TBCCD1: variants seen among roughly 807,000 people sequenced by gnomAD.
TBCCD1 encodes TBCC domain-containing protein 1.
A neutral mutation model predicts 53.4 loss-of-function variants in TBCCD1; 26 were observed. The ratio of observed to expected loss-of-function variants is 0.49; its 90% confidence interval spans 0.36 to 0.68. The LOEUF is 0.68. Ranked by LOEUF, TBCCD1 falls within the 30% of genes least tolerant of loss-of-function variation. The pLI, the probability that TBCCD1 is intolerant of heterozygous loss-of-function variation, is 0.00. For synonymous variants in TBCCD1, 245 were observed against 241.7 expected (o/e 1.01, Z -0.13); for missense variants, 558 against 669.5 (o/e 0.83, Z 1.84).
At chr3:186,570,133 C>T (rs1234024784), upstream of TBCCD1, 19 of 701,294 alleles carry the variant, frequency 2.7e-5, no homozygotes, top group Non-Finnish European at 4.7e-5. Context: ...AAGCCGAATC[C>T]GAACTTAAGT....
At chr3:186,570,032 A>G (rs1201145581), upstream of TBCCD1, 2 of 629,954 alleles carry the variant, frequency 3.2e-6, no homozygotes, top group African/African-American at 1.8e-5. Context: ...AGAACTGCCA[A>G]TAAGTGCTTT....
At chr3:186,567,726 C>A (rs1435646578), upstream of TBCCD1, 3 of 152,178 alleles carry the variant, frequency 2.0e-5, no homozygotes, top group Non-Finnish European at 1.5e-5. Flanking sequence ...TGTCAAGAGC[C>A]CTTTAAGTAC....
intron 3 of TBCCD1, among the ~76,000 whole-genome samples, chr3:186,558,181 G>C (rs905761339): frequency 6.6e-6 from 1 of 152,118 alleles, no homozygotes; most frequent in Non-Finnish European, 1.5e-5. Context: ...GTGATGATCT[G>C]CCCACAAATC....
upstream of TBCCD1, chr3:186,569,972 C>A (rs1714965656): frequency 5.2e-6 from 3 of 574,552 alleles, no homozygotes; most frequent in Non-Finnish European, 6.3e-6. Context: ...TCGTTGCCTG[C>A]TTACTATACG....
upstream of TBCCD1, among the ~76,000 whole-genome samples, chr3:186,568,923 G>GAAAAA (rs1192524819): frequency 8.7e-6 from 1 of 114,446 alleles, no homozygotes; most frequent in African/African-American, 3.9e-5. Context: ...AAGAAATAAA[G>GAAAAA]AAAAGAAAAC....
Position 186,558,407 on chromosome 3 carries a change from T to C in TBCCD1, c.492+10A>G. 6.2e-7 allele frequency: 1 copy of C among 1,612,360 alleles called. No individual in the cohort carries two copies. On this transcript the variant is annotated intron_variant, in intron 3 of 7. Coordinates refer to ENST00000338733, the MANE Select transcript of TBCCD1 (RefSeq NM_018138.5). The stretch of plus-strand genomic sequence containing the variant: ...CCTTTTAGAGAATGAGATCAAGATA[T>C]AAGGAGTACCTTATTATGACAATTA...
chr3:186,551,394 G>A (rs1374332335), intron 6 of TBCCD1, 115 bp from the exon 7 acceptor site: 1 of 1,109,814 alleles, frequency 9.0e-7, no homozygotes, highest in East Asian at 2.6e-5. Context: ...ATTATTTCTT[G>A]TTATCCTTTT....
rs1185807467 is a variant in TBCCD1 at position 186,555,022 on chromosome 3, G to A, written c.922C>T (p.Arg308Ter). ...CNTHVAPRMH[R>*]LVVMSQVYKQ... is the part of the protein sequence containing the mutation. ...TAAACCTGGCTCATCACTACCAGTC[G>A]GTGCATCCTAGGGGCCACATGAGTA... Residue 308 changes from arginine (R) to a stop codon, truncating the protein, a stop_gained, in exon 5 of 8, where the codon CGA (arginine) becomes TGA (stop). Transcript: ENST00000338733. LOFTEE classifies it high-confidence loss of function. 2 of 1,613,684 alleles carry A rather than the reference G, an allele frequency of 1.2e-6. No homozygotes were observed. The highest frequency in any genetic ancestry group is 1.3e-5 in the African/African-American group (1 of 74,886).
At position 186,564,025 on chromosome 3, in the gene TBCCD1, G is replaced by A; in HGVS notation, c.305C>T (p.Ser102Phe). ...EWSEVLSNCM[S>F]EEEVEKQRNQ... ...TCTCTGCTTTTCAACTTCCTCCTCA[G>A]ACATGCAGTTGGACAGAACCTCAGA... The change falls in exon 2 of 8, where the codon TCT (serine) becomes TTT (phenylalanine). Residue 102 changes from serine to phenylalanine, a missense_variant. Transcript: ENST00000338733. 6.2e-7 allele frequency: 1 copy of A among 1,612,990 alleles called. No homozygotes were observed. The highest frequency in any genetic ancestry group is 8.5e-7 in the Non-Finnish European group (1 of 1,179,302).
In TBCCD1 at chr3:186,564,167, A is replaced by G; in HGVS notation, c.163T>C (p.Ser55Pro). ...CCACAAGCGATGTGCCTCCATGTAG[A>G]CCAGTAGAGGCGCGGGTAAGCTCCT... Reference protein sequence around the residue: ...TEGAYPRLYWSTWRHIACGKL... With the variant: ...TEGAYPRLYWPTWRHIACGKL... The change falls in exon 2 of 8, where the codon TCT becomes CCT. Residue 55 changes from serine (S) to proline (P), a missense_variant. Ser to Pro is a moderately conservative substitution (Grantham distance 74). Coordinates refer to ENST00000338733, the MANE Select transcript of TBCCD1 (RefSeq NM_018138.5). 6.2e-7 allele frequency: 1 copy of G among 1,614,206 alleles called. No homozygotes were observed. Among genetic ancestry groups the G allele is most frequent in the South Asian group, 1.1e-5 (1 of 91,078 alleles).
intron 1 of TBCCD1, among the ~76,000 whole-genome samples, chr3:186,564,587 C>A (rs966802563): frequency 2.6e-5 from 4 of 152,098 alleles, no homozygotes; most frequent in African/African-American, 4.8e-5. Flanking sequence ...AATTATCTTA[C>A]TTGAATTGTT....
At chr3:186,549,118 T>C (rs897165254) in intron 7 of TBCCD1, among the ~76,000 whole-genome samples, 2 of 150,074 alleles carry the variant, frequency 1.3e-5, no homozygotes, top group East Asian at 4.0e-4. Flanking sequence ...TGAAACCTCG[T>C]CTCTACTAAA....
intron 6 of TBCCD1, among the ~76,000 whole-genome samples, chr3:186,551,844 AC>A (rs1250872627): frequency 6.6e-6 from 1 of 152,078 alleles, no homozygotes; most frequent in Non-Finnish European, 1.5e-5. Flanking sequence ...GCATGGTAGC[AC>A]ATGTTTGTTA....
intron 3 of TBCCD1, among the ~76,000 whole-genome samples, chr3:186,558,133 G>A (rs1051903304): frequency 2.6e-5 from 4 of 152,138 alleles, no homozygotes; most frequent in Non-Finnish European, 4.4e-5. Context: ...GATTCGCATT[G>A]ATTGACATGT....
chr3:186,547,176 G>T (rs533094855), intron 7 of TBCCD1, among the ~76,000 whole-genome samples: 1 of 151,874 alleles, frequency 6.6e-6, no homozygotes, highest in South Asian at 2.1e-4. Context: ...GTAAAAAATT[G>T]TTAAGCAGTG....
intron 6 of TBCCD1, chr3:186,553,353 A>C (rs557090075): frequency 6.6e-6 from 1 of 152,242 alleles, no homozygotes; most frequent in African/African-American, 2.4e-5. Flanking sequence ...GCTTTAAAAG[A>C]ATGTTTTTTC....
intron 1 of TBCCD1, among the ~76,000 whole-genome samples, chr3:186,565,523 T>G (rs1478279955): frequency 6.6e-6 from 1 of 152,244 alleles, no homozygotes; most frequent in African/African-American, 2.4e-5. Context: ...TCTAAATAAA[T>G]GTATCCCATT....
chr3:186,549,019 G>A (rs1352824691), intron 7 of TBCCD1, among the ~76,000 whole-genome samples: 4 of 152,088 alleles, frequency 2.6e-5, no homozygotes, highest in Admixed American at 6.6e-5. Context: ...AGAAGCAGTC[G>A]CTCATGCCTG....
chr3:186,549,097 G>A (rs1264515725), intron 7 of TBCCD1, among the ~76,000 whole-genome samples: 2 of 151,730 alleles, frequency 1.3e-5, no homozygotes, highest in African/African-American at 4.8e-5. Context: ...GACCAGCCTG[G>A]GCCATCATGG....
Sources: gnomAD v4.1 joint callset for allele counts (sites outside exome capture counted in the v4.1 genomes callset) on GRCh38, gnomAD v4.1.1 for gene constraint, MANE v1.5 for transcripts, NCBI Gene and HGNC (gene_info 2026-07-23, HGNC 2026-07-21) for gene names.